Variants in SP140 observed in about 807,000 individuals in gnomAD.
SP140 encodes SP140 nuclear body protein.
In SP140, 81 loss-of-function variants were observed where a neutral mutation model predicts 125.0. The ratio of observed to expected loss-of-function variants is 0.65; its 90% CI spans 0.54 to 0.78. The LOEUF (loss-of-function observed/expected upper bound fraction) is 0.78. Among genes scored for constraint, SP140 ranks in the 30% least tolerant of loss-of-function variants. The pLI is 0.00. For missense variants in SP140, 858 were observed against 1,037.0 expected, an observed-to-expected ratio of 0.83 and a Z score of 2.37; for synonymous variants, 312 against 354.0, an observed-to-expected ratio of 0.88 and a Z score of 1.33.
chr2:230,228,568 A>C (rs1208713869), intron 1 of SP140, among the ~76,000 whole-genome samples: 5 of 152,156 alleles, frequency 3.3e-5, no homozygotes, highest in Non-Finnish European at 5.9e-5. Context: ...TTTTGCCATT[A>C]GTTTGTTAGT....
At chr2:230,273,056 G>A (rs2054176782) in intron 15 of SP140, among the ~76,000 whole-genome samples, 1 of 152,064 alleles carries the variant, frequency 6.6e-6, no homozygotes, top group South Asian at 2.1e-4. Flanking sequence ...TGACAAAGAT[G>A]CCAAAAGCAA....
chr2:230,267,956 C>T (rs1356320105), intron 12 of SP140, among the ~76,000 whole-genome samples: 1 of 152,160 alleles, frequency 6.6e-6, no homozygotes, highest in Non-Finnish European at 1.5e-5. Context: ...GTCTAATGGA[C>T]CCACATCCAT....
At chr2:230,269,981 G>A (rs765807516) in intron 14 of SP140, 28 bp downstream of exon 14, 7 of 1,526,192 alleles carry the variant, frequency 4.6e-6, no homozygotes, top group Non-Finnish European at 6.4e-6. Flanking sequence ...CCGTGGGATG[G>A]GGGTGGCTCA....
At chr2:230,200,863 A>T, upstream of SP140, 1 of 1,560,412 alleles carries the variant, frequency 6.4e-7, no homozygotes, top group Non-Finnish European at 8.8e-7. Flanking sequence ...GTACTCTGAG[A>T]CCAGCAATCT....
At chr2:230,306,734 T>TG (rs2058795689) in intron 22 of SP140, among the ~76,000 whole-genome samples, 1 of 152,166 alleles carries the variant, frequency 6.6e-6, no homozygotes. Context: ...GGATTTTGGG[T>TG]GCTGACGATC....
chr2:230,297,091 G>C (rs1383706528), intron 21 of SP140, among the ~76,000 whole-genome samples: 2 of 152,232 alleles, frequency 1.3e-5, no homozygotes, highest in African/African-American at 4.8e-5. Context: ...CTCTGCTGTA[G>C]CAGCCCAGAC....
chr2:230,221,585 A>G (rs1250698718), upstream of SP140: 2 of 998,680 alleles, frequency 2.0e-6, no homozygotes, highest in East Asian at 2.6e-5. Flanking sequence ...TTCAATGCTA[A>G]CAGCTGAGGA....
intron 22 of SP140, 120 bp downstream of exon 22, chr2:230,297,582 G>C (rs1257545462): frequency 8.3e-7 from 1 of 1,207,480 alleles, no homozygotes; most frequent in East Asian, 2.4e-5. Flanking sequence ...GTATGTGGCT[G>C]TGTGAATTCA....
the SP140 span, among the ~76,000 whole-genome samples, chr2:230,195,788 CA>C: frequency 6.6e-6 from 1 of 151,594 alleles, no homozygotes; most frequent in African/African-American, 2.4e-5. Context: ...ACAGAAGGAG[CA>C]GGACTGAAAA....
intron 3 of SP140, chr2:230,238,965 C>A: frequency 6.6e-7 from 1 of 1,515,494 alleles, no homozygotes; most frequent in South Asian, 1.3e-5. Flanking sequence ...TGAGAGCTGA[C>A]TCTGGAGAAA....
intron 1 of SP140, among the ~76,000 whole-genome samples, chr2:230,207,604 T>C (rs1270691768): frequency 6.6e-6 from 1 of 152,234 alleles, no homozygotes; most frequent in Non-Finnish European, 1.5e-5. Flanking sequence ...CACTTACTTG[T>C]TCAAGCCAGA....
intron 22 of SP140, among the ~76,000 whole-genome samples, chr2:230,307,882 A>G (rs948491215): frequency 6.6e-6 from 1 of 150,528 alleles, no homozygotes; most frequent in Non-Finnish European, 1.5e-5. Flanking sequence ...CAATACCCCA[A>G]GGATTCCGTA....
intron 16 of SP140, among the ~76,000 whole-genome samples, chr2:230,284,750 A>G (rs1228470483): frequency 6.6e-6 from 1 of 152,238 alleles, no homozygotes; most frequent in Non-Finnish European, 1.5e-5. Flanking sequence ...TGTGTGCACA[A>G]TAGTAAACAT....
chr2:230,237,082 G>T lies in SP140; in HGVS notation c.60-1G>T. The T allele has an allele frequency of 3.8e-6, 6 of 1,568,198 alleles. No individual in the cohort carries two copies. The highest frequency in any genetic ancestry group is 5.2e-6 in the Non-Finnish European group (6 of 1,160,276). On this transcript the variant is annotated splice_acceptor_variant, in intron 1 of 26. Transcript: ENST00000392045. LOFTEE classifies it high-confidence loss of function. This position sits in a 1 kb window ranked among gnomAD's most constrained non-coding sequence, Gnocchi z 5.4. ...TTCCACGTTGTATCTTTGTTTCTTA[G>T]GATGGTCGCAGAGATCCAGAACGTA...
At chr2:230,270,813 C>G in intron 15 of SP140, 174 bp downstream of exon 15, 1 of 683,512 alleles carries the variant, frequency 1.5e-6, no homozygotes, top group Non-Finnish European at 2.7e-6. Context: ...AATCTGCTAT[C>G]TTACATGACA....
chr2:230,300,806 C>A (rs1297626497), intron 22 of SP140, among the ~76,000 whole-genome samples: 2 of 152,192 alleles, frequency 1.3e-5, no homozygotes, highest in Non-Finnish European at 2.9e-5. Flanking sequence ...GAAGAAATCT[C>A]TGAATTGCCA....
At chr2:230,263,749 A>G (rs2052640689) in intron 12 of SP140, among the ~76,000 whole-genome samples, 1 of 152,192 alleles carries the variant, frequency 6.6e-6, no homozygotes. Flanking sequence ...TGCTGGATAC[A>G]GAAGTCTTGT....
intron 15 of SP140, among the ~76,000 whole-genome samples, chr2:230,276,650 C>T (rs1224915783): frequency 6.6e-6 from 1 of 150,946 alleles, no homozygotes; most frequent in Non-Finnish European, 1.5e-5. Flanking sequence ...TTAAGAAACA[C>T]ATGTTGTAAT....
intron 15 of SP140, among the ~76,000 whole-genome samples, chr2:230,283,727 C>A (rs1049774104): frequency 6.6e-6 from 1 of 152,154 alleles, no homozygotes; most frequent in Admixed American, 6.5e-5. Context: ...TGATAAAGGG[C>A]ACGTCAGACT....
Sources: gnomAD v4.1 joint callset for allele counts (sites outside exome capture counted in the v4.1 genomes callset) on GRCh38, gnomAD v4.1.1 for gene constraint, Gnocchi (gnomAD v3.1) non-coding constraint, MANE v1.5 for transcripts, NCBI Gene and HGNC (gene_info 2026-07-23, HGNC 2026-07-21) for gene names.